The following IRAK2 variants were observed in gnomAD, a reference collection of about 807,000 sequenced individuals.
IRAK2 encodes the protein interleukin 1 receptor associated kinase 2.
In IRAK2, 57 loss-of-function variants were observed where a neutral mutation model predicts 72.0. The ratio of observed to expected loss-of-function variants is 0.79; its 90% CI spans 0.64 to 0.99. The LOEUF is 0.99. Ranked by LOEUF, IRAK2 falls within the 50% of genes least tolerant of loss-of-function variation. The pLI is 0.00. For synonymous variants in IRAK2, 293 were observed against 312.7 expected (o/e 0.94, Z 0.67); for missense variants, 790 against 794.4 (o/e 0.99, Z 0.07).
intron 1 of IRAK2, among the ~76,000 whole-genome samples, chr3:10,175,721 CTACTAAAAATACAAAAAAAT>C (rs1384015571): frequency 6.6e-6 from 1 of 151,696 alleles, no homozygotes; most frequent in African/African-American, 2.4e-5. Flanking sequence ...AACCTGGTCT[CTACTAAAAATACAAAAAAAT>C]TAGCCAGGCG....
At chr3:10,237,822 A>G (rs34355838) in intron 11 of IRAK2, among the ~76,000 whole-genome samples, 53,085 of 147,176 alleles carry the variant, frequency 0.36, 10,618 homozygotes, top group Admixed American at 0.45. Context: ...AAAAAAAAAA[A>G]AAAGAAAGAA....
chr3:10,222,509 G>T (rs752373142), intron 8 of IRAK2, 127 bp from the exon 9 acceptor site: 3 of 723,534 alleles, frequency 4.1e-6, no homozygotes, highest in Non-Finnish European at 7.2e-6. Flanking sequence ...GCTCCATGCT[G>T]AGGGTCTTTA....
intron 2 of IRAK2, among the ~76,000 whole-genome samples, chr3:10,191,376 G>T (rs1463511651): frequency 6.6e-6 from 1 of 152,108 alleles, no homozygotes; most frequent in Admixed American, 6.5e-5. Flanking sequence ...AGACAGAGCA[G>T]ATGGTTATTT....
chr3:10,165,084 G>C (rs754934207), intron 1 of IRAK2, 36 bp downstream of exon 1: 46 of 1,552,372 alleles, frequency 3.0e-5, no homozygotes, highest in Non-Finnish European at 4.0e-5. Flanking sequence ...GGACCAGGGC[G>C]ACCGGAGCCC....
rs181622839 is a variant in IRAK2 at position 10,197,408 on chromosome 3, A to G, written c.278-2961A>G. 7.9e-5 allele frequency among the ~76,000 whole-genome samples: 12 copies of G among 151,900 alleles called. No homozygotes were observed. In the East Asian group the frequency reaches 2.3e-3, roughly 29 times the overall value. Reference sequence around the variant, plus strand: ...TCAAAAAAAAAAAAAAGAAAAAGAAAAAGAAAACTAAAAGACTCTCATCCT... The same window carrying G: ...TCAAAAAAAAAAAAAAGAAAAAGAAGAAGAAAACTAAAAGACTCTCATCCT... On this transcript the variant is annotated intron_variant, in intron 2 of 12. Transcript: ENST00000256458.
At chr3:10,237,805 C>CAAAAA (rs751642671) in intron 11 of IRAK2, among the ~76,000 whole-genome samples, 3 of 55,690 alleles carry the variant, frequency 5.4e-5, no homozygotes, top group Non-Finnish European at 8.2e-5. Context: ...GACTCTGTCT[C>CAAAAA]AAAAAAAAAA....
intron 12 of IRAK2, among the ~76,000 whole-genome samples, chr3:10,240,957 G>T (rs2125167063): frequency 6.6e-6 from 1 of 151,946 alleles, no homozygotes; most frequent in East Asian, 2.0e-4. Context: ...TACTCCTCCT[G>T]CCATGGGGAG....
At chr3:10,234,049 G>C (rs1032745451) in intron 10 of IRAK2, among the ~76,000 whole-genome samples, 1 of 152,122 alleles carries the variant, frequency 6.6e-6, no homozygotes, top group Non-Finnish European at 1.5e-5. Flanking sequence ...TTCTAGTAGA[G>C]ACGGGGTTTC....
chr3:10,202,153 T>C (rs1697369445), intron 3 of IRAK2, among the ~76,000 whole-genome samples: 1 of 152,140 alleles, frequency 6.6e-6, no homozygotes, highest in Admixed American at 6.5e-5. Flanking sequence ...TAGCTAAATA[T>C]ATGTATTTTT....
At chr3:10,223,600 T>G (rs1697728220) in intron 9 of IRAK2, among the ~76,000 whole-genome samples, 1 of 152,202 alleles carries the variant, frequency 6.6e-6, no homozygotes, top group Admixed American at 6.5e-5. Context: ...TCAAGCTGGT[T>G]GAATGGTAGT....
rs1697551788 is a variant in IRAK2, at chr3:10,213,277, A to T, written c.599A>T (p.Glu200Val). The change falls in exon 5 of 13, where the codon GAG becomes GTG. Residue 200 changes from glutamate to valine, a missense_variant. Coordinates refer to ENST00000256458, the MANE Select transcript of IRAK2 (RefSeq NM_001570.4). ...SLAGDSLFWS[E>V]ADVVQATDDF... ...GCTGGAGACAGCCTTTTCTGGAGTG[A>T]GGCAGACGTGGTCCAGGCAACCGAT... 13 of 1,614,184 alleles carry T rather than the reference A, an allele frequency of 8.1e-6. No homozygotes were observed. In the East Asian group the frequency reaches 2.9e-4, roughly 36 times the overall value.
intron 9 of IRAK2, among the ~76,000 whole-genome samples, chr3:10,223,661 T>C (rs1382256566): frequency 6.6e-6 from 1 of 152,222 alleles, no homozygotes; most frequent in Non-Finnish European, 1.5e-5. Context: ...TATGCAGTGT[T>C]TCCCAAGCTC....
chr3:10,191,391 A>AGT (rs1421957259), intron 2 of IRAK2, among the ~76,000 whole-genome samples: 1 of 152,026 alleles, frequency 6.6e-6, no homozygotes. Context: ...TTATTTGGTA[A>AGT]GTACTCTCTC....
At chr3:10,218,861 A>G (rs1373021392) in intron 7 of IRAK2, among the ~76,000 whole-genome samples, 1 of 152,224 alleles carries the variant, frequency 6.6e-6, no homozygotes, top group African/African-American at 2.4e-5. Context: ...CAGCTAATGC[A>G]TGTCTGAACT....
chr3:10,209,062 A>G (rs1697477810), intron 3 of IRAK2, among the ~76,000 whole-genome samples: 1 of 151,930 alleles, frequency 6.6e-6, no homozygotes, highest in Admixed American at 6.6e-5. Context: ...GTCAGGTGCC[A>G]CTTCCTCTGT....
chr3:10,218,099 G>A (rs997979944), intron 7 of IRAK2, among the ~76,000 whole-genome samples: 6 of 152,116 alleles, frequency 3.9e-5, no homozygotes, highest in African/African-American at 1.2e-4. Context: ...CCAGTTCTTA[G>A]AGGATGTGGG....
Position 10,242,442 on chromosome 3 carries a change from T to G in IRAK2, c.*214T>G. 2.7e-6 allele frequency: 1 copy of G among 366,500 alleles called. No individual in the cohort carries two copies. Among genetic ancestry groups the G allele is most frequent in the Non-Finnish European group, 5.0e-6 (1 of 201,648 alleles). 22.7% of individuals were successfully genotyped at this position (366,500 alleles called of 1,614,324 possible). A position where few individuals can be genotyped will look rare whatever the true frequency, so the allele number is the denominator to read the frequency against. ...ACAAAAATCCATGAAGTCTCTTCCT[T>G]TCTGGGCTTTGTTAGTCAGAGCAGG... On this transcript the variant is annotated 3_prime_UTR_variant, in exon 13 of 13. Transcript: ENST00000256458.
intron 2 of IRAK2, among the ~76,000 whole-genome samples, chr3:10,186,106 T>TA (rs1333227353): frequency 6.6e-6 from 1 of 151,568 alleles, no homozygotes; most frequent in African/African-American, 2.4e-5. Context: ...ACTGCTCTGA[T>TA]ACCTGGTCCT....
intron 11 of IRAK2, among the ~76,000 whole-genome samples, chr3:10,237,792 C>T (rs1220226710): frequency 1.6e-5 from 2 of 128,060 alleles, no homozygotes; most frequent in African/African-American, 3.1e-5. Context: ...GGCGAAAGAG[C>T]GAGACTCTGT....
Sources: allele counts gnomAD v4.1 joint callset (sites outside exome capture counted in the v4.1 genomes callset), GRCh38; gene constraint gnomAD v4.1.1; transcripts MANE v1.5; gene names NCBI Gene and HGNC (gene_info 2026-07-23, HGNC 2026-07-21).